OXR1: variants seen among roughly 807,000 people sequenced by gnomAD.
The protein encoded by OXR1 is oxidation resistance 1, also known as oxidation resistance protein 1.
OXR1 carries 41 observed loss-of-function variants against 104.6 expected under a neutral mutation model. That is an observed-to-expected ratio of 0.39 (90% CI 0.31 to 0.51). The LOEUF is 0.51. Among genes scored for constraint, OXR1 ranks in the 20% least tolerant of loss-of-function variants. The pLI, the probability that OXR1 is intolerant of heterozygous loss-of-function variation, is 0.77. For missense variants in OXR1, 955 were observed against 1,031.9 expected (o/e 0.93, Z 1.02); for synonymous variants, 348 against 348.4 (o/e 1.00, Z 0.01).
At chr8:106,428,105 A>G (rs1417166323) in intron 2 of OXR1, among the ~76,000 whole-genome samples, 2 of 152,144 alleles carry the variant, frequency 1.3e-5, no homozygotes. Context: ...AATGGCTTAC[A>G]TGAGTACTAG....
intron 3 of OXR1, among the ~76,000 whole-genome samples, chr8:106,523,299 C>G (rs1813395139): frequency 6.6e-6 from 1 of 152,206 alleles, no homozygotes; most frequent in Admixed American, 6.5e-5. Context: ...GTCCACACAA[C>G]CTAATCACAG....
chr8:106,277,265 C>G (rs549178847), intron 1 of OXR1, among the ~76,000 whole-genome samples: 35 of 152,284 alleles, frequency 2.3e-4, no homozygotes, highest in African/African-American at 8.2e-4. Flanking sequence ...AATCTCTGTT[C>G]CTCAGTTATT....
chr8:106,300,049 G>T (rs1046667995), intron 1 of OXR1, among the ~76,000 whole-genome samples: 1 of 152,198 alleles, frequency 6.6e-6, no homozygotes, highest in African/African-American at 2.4e-5. Context: ...TGTAAAGCAT[G>T]TCTGAGAAAT....
chr8:106,505,307 G>A (rs1397911255), intron 2 of OXR1, among the ~76,000 whole-genome samples: 1 of 152,228 alleles, frequency 6.6e-6, no homozygotes, highest in Non-Finnish European at 1.5e-5. Flanking sequence ...ATTGATTCAT[G>A]AACTGATTGA....
At chr8:106,478,344 A>G (rs10113324) in intron 2 of OXR1, among the ~76,000 whole-genome samples, 16,672 of 151,896 alleles carry the variant, frequency 0.11, 1,181 homozygotes, top group East Asian at 0.28. Flanking sequence ...CCGTGAATTC[A>G]AAATTACTGG....
intron 3 of OXR1, among the ~76,000 whole-genome samples, chr8:106,656,563 T>C (rs1825105999): frequency 6.6e-6 from 1 of 152,138 alleles, no homozygotes; most frequent in African/African-American, 2.4e-5. Flanking sequence ...ACAAAATAGG[T>C]CCTTAGGAAG....
At chr8:106,349,947 G>A (rs1170774256) in intron 1 of OXR1, among the ~76,000 whole-genome samples, 1 of 152,190 alleles carries the variant, frequency 6.6e-6, no homozygotes, top group Non-Finnish European at 1.5e-5. Flanking sequence ...TGATGAGAAT[G>A]TTAGAGTGAA....
intron 2 of OXR1, among the ~76,000 whole-genome samples, chr8:106,457,619 A>G (rs988032725): frequency 6.6e-6 from 1 of 151,710 alleles, no homozygotes; most frequent in Non-Finnish European, 1.5e-5. Flanking sequence ...ATTAAGGACA[A>G]TTCTGATGAA....
At chr8:106,290,541 CTA>C (rs750735118) in intron 1 of OXR1, among the ~76,000 whole-genome samples, 14 of 152,094 alleles carry the variant, frequency 9.2e-5, no homozygotes, top group Non-Finnish European at 1.9e-4. Context: ...TATTCACAAA[CTA>C]AGCATCCAAC....
intron 11 of OXR1, among the ~76,000 whole-genome samples, chr8:106,719,667 G>A (rs866842024): frequency 6.6e-6 from 1 of 152,018 alleles, no homozygotes; most frequent in Admixed American, 6.6e-5. Context: ...ATGTCACACA[G>A]TCTGGAATAT....
intron 15 of OXR1, among the ~76,000 whole-genome samples, chr8:106,744,777 G>A (rs1428258301): frequency 2.0e-5 from 3 of 152,244 alleles, no homozygotes; most frequent in African/African-American, 7.2e-5. Flanking sequence ...AGTGTGGCAT[G>A]TAAAACCTTC....
chr8:106,293,813 C>T (rs773639992), intron 1 of OXR1, among the ~76,000 whole-genome samples: 36 of 152,102 alleles, frequency 2.4e-4, no homozygotes, highest in Non-Finnish European at 3.7e-4. Flanking sequence ...CTAATCCATT[C>T]GTGAGGTTGG....
At chr8:106,382,901 G>A (rs57882863) in intron 2 of OXR1, among the ~76,000 whole-genome samples, 8,738 of 151,856 alleles carry the variant, frequency 0.058, 864 homozygotes, top group African/African-American at 0.2. Context: ...GAAATGGTCT[G>A]AACCTCTGAC....
chr8:106,690,249 T>C (rs1449748359), intron 6 of OXR1, among the ~76,000 whole-genome samples: 1 of 150,872 alleles, frequency 6.6e-6, no homozygotes, highest in East Asian at 1.9e-4. Flanking sequence ...ACTATAAATA[T>C]CAATACCACT....
intron 1 of OXR1, among the ~76,000 whole-genome samples, chr8:106,278,956 C>T (rs985117680): frequency 1.3e-5 from 2 of 152,108 alleles, no homozygotes; most frequent in Admixed American, 6.6e-5. Context: ...TATGTAGTTT[C>T]CAACATGGGA....
At chr8:106,326,819 G>C (rs1475142393) in intron 1 of OXR1, among the ~76,000 whole-genome samples, 1 of 152,322 alleles carries the variant, frequency 6.6e-6, no homozygotes, top group South Asian at 2.1e-4. Flanking sequence ...AGGTAGTAGG[G>C]AAGGGTAGAG....
chr8:106,366,661 G>T (rs1329387310), intron 2 of OXR1, among the ~76,000 whole-genome samples: 2 of 152,080 alleles, frequency 1.3e-5, no homozygotes, highest in Non-Finnish European at 1.5e-5. Context: ...GATAGGAAAA[G>T]CTTAGCTGTG....
chr8:106,613,270 T>A (rs1820952193), intron 3 of OXR1, among the ~76,000 whole-genome samples: 1 of 152,214 alleles, frequency 6.6e-6, no homozygotes, highest in Non-Finnish European at 1.5e-5. Flanking sequence ...CTCTCAAACG[T>A]ATAGTTGCTC....
intron 1 of OXR1, among the ~76,000 whole-genome samples, chr8:106,338,118 A>G (rs944932472): frequency 6.6e-6 from 1 of 152,204 alleles, no homozygotes; most frequent in Non-Finnish European, 1.5e-5. Context: ...AAACCAGACC[A>G]AACCAAAATG....
Sources: allele counts gnomAD v4.1 joint callset (sites outside exome capture counted in the v4.1 genomes callset), GRCh38; gene constraint gnomAD v4.1.1; transcripts MANE v1.5; gene names NCBI Gene and HGNC (gene_info 2026-07-23, HGNC 2026-07-21).